CCDC146: variants seen among roughly 807,000 people sequenced by gnomAD.
CCDC146 encodes coiled-coil domain-containing protein 146.
CCDC146 carries 92 observed loss-of-function variants against 119.3 expected under a neutral mutation model. The ratio of observed to expected loss-of-function variants is 0.77; its 90% confidence interval spans 0.65 to 0.92. CCDC146 has a LOEUF of 0.92. CCDC146 is among the 40% of genes least tolerant of loss of function. The pLI is 0.00. For missense variants in CCDC146, 1,000 were observed against 1,103.0 expected, an observed-to-expected ratio of 0.91 and a Z score of 1.32; for synonymous variants, 372 against 371.8, an observed-to-expected ratio of 1.00 and a Z score of -0.01.
intron 17 of CCDC146, among the ~76,000 whole-genome samples, chr7:77,292,667 T>G (rs1216640322): frequency 2.0e-5 from 3 of 151,552 alleles, no homozygotes; most frequent in Non-Finnish European, 4.4e-5. Flanking sequence ...TCTTACCTCT[T>G]AAAAATGGGC....
chr7:77,146,632 T>G (rs1791024077), intron 1 of CCDC146, among the ~76,000 whole-genome samples: 1 of 152,008 alleles, frequency 6.6e-6, no homozygotes, highest in South Asian at 2.1e-4. Context: ...CAGCATTTGC[T>G]TGTCTGTAAA....
chr7:77,268,778 T>C (rs1195677836), intron 9 of CCDC146, among the ~76,000 whole-genome samples: 3 of 152,252 alleles, frequency 2.0e-5, no homozygotes, highest in Non-Finnish European at 2.9e-5. Flanking sequence ...TATGGAATTT[T>C]AGGTTGGAAA....
chr7:77,138,426 A>G (rs1266604359), intron 1 of CCDC146, among the ~76,000 whole-genome samples: 2 of 152,138 alleles, frequency 1.3e-5, no homozygotes, highest in Non-Finnish European at 2.9e-5. Flanking sequence ...CAAAACTATG[A>G]AACTTCTAGA....
intron 1 of CCDC146, among the ~76,000 whole-genome samples, chr7:77,163,333 A>G (rs1791290655): frequency 6.6e-6 from 1 of 152,120 alleles, no homozygotes; most frequent in Non-Finnish European, 1.5e-5. Context: ...TTGTAATCCC[A>G]GCTACTCTGG....
intron 2 of CCDC146, among the ~76,000 whole-genome samples, chr7:77,179,151 C>T (rs1375251855): frequency 6.6e-6 from 1 of 151,914 alleles, no homozygotes; most frequent in East Asian, 1.9e-4. Context: ...ATTAGGTTCT[C>T]AATGGTCAAG....
intron 4 of CCDC146, among the ~76,000 whole-genome samples, chr7:77,252,045 A>C (rs1793085588): frequency 1.3e-5 from 2 of 152,108 alleles, no homozygotes; most frequent in Admixed American, 1.3e-4. Context: ...GCTATCCAGG[A>C]GGCTGAGGCA....
intron 2 of CCDC146, among the ~76,000 whole-genome samples, chr7:77,179,460 TAC>T (rs1211400739): frequency 6.6e-6 from 1 of 151,208 alleles, no homozygotes. Flanking sequence ...TAGTATAATA[TAC>T]ACACTGTTTT....
chr7:77,167,553 A>G (rs572355034), intron 1 of CCDC146, 105 bp from the exon 2 acceptor site: 3 of 875,512 alleles, frequency 3.4e-6, no homozygotes, highest in African/African-American at 3.5e-5. Context: ...TTCATTGAAC[A>G]ATAGCTTATT....
intron 2 of CCDC146, among the ~76,000 whole-genome samples, chr7:77,171,794 G>T (rs1210952220): frequency 6.6e-6 from 1 of 152,190 alleles, no homozygotes; most frequent in African/African-American, 2.4e-5. Flanking sequence ...GAGTTTATTT[G>T]TAGCAAAAGT....
chr7:77,150,912 T>C (rs1459189850), intron 1 of CCDC146, among the ~76,000 whole-genome samples: 1 of 152,202 alleles, frequency 6.6e-6, no homozygotes, highest in Non-Finnish European at 1.5e-5. Flanking sequence ...ACAATGTAGA[T>C]GAATCTCAAA....
chr7:77,187,782 A>G (rs1791694636), intron 2 of CCDC146, among the ~76,000 whole-genome samples: 1 of 152,214 alleles, frequency 6.6e-6, no homozygotes, highest in African/African-American at 2.4e-5. Context: ...CAAGGTCCCC[A>G]TAAACCAAAC....
chr7:77,230,494 A>ATGTGTGTGTGTGTG (rs71524923), intron 2 of CCDC146, among the ~76,000 whole-genome samples: 3 of 149,230 alleles, frequency 2.0e-5, no homozygotes, highest in African/African-American at 7.4e-5. Flanking sequence ...GTTGACAGGT[A>ATGTGTGTGTGTGTG]TGTGTGTGTG....
At chr7:77,266,781 C>T (rs911164032) in intron 9 of CCDC146, among the ~76,000 whole-genome samples, 7 of 152,080 alleles carry the variant, frequency 4.6e-5, no homozygotes, top group Non-Finnish European at 8.8e-5. Context: ...TCCATCTTAG[C>T]CCAAAGCACA....
In CCDC146 at chr7:77,287,526, CT is replaced by C; in HGVS notation, c.2365del (p.Cys789AlafsTer14). 6.2e-7 allele frequency: 1 copy of C among 1,614,036 alleles called. No individual in the cohort carries two copies. The highest frequency in any genetic ancestry group is 1.3e-5 in the African/African-American group (1 of 75,032). On this transcript the variant is annotated frameshift_variant, in exon 17 of 19. Transcript: ENST00000285871. LOFTEE classifies it high-confidence loss of function. ...AGGTCTCCAGGCTCACAGACAGGCT[CT>C]GCAGCAAAACTCAGGGCTGCAAGCA... is the stretch of plus-strand genomic sequence containing the variant. ...EQVSRLTDRL[C>X]SKTQGCKQDT...
chr7:77,148,557 CCT>C (rs1481524139), intron 1 of CCDC146, among the ~76,000 whole-genome samples: 1 of 151,952 alleles, frequency 6.6e-6, no homozygotes, highest in Non-Finnish European at 1.5e-5. Context: ...GGAACCGTCC[CCT>C]GATTGTACAT....
chr7:77,288,273 T>G (rs969065138), intron 17 of CCDC146, among the ~76,000 whole-genome samples: 1 of 152,202 alleles, frequency 6.6e-6, no homozygotes, highest in African/African-American at 2.4e-5. Context: ...AGGCTGTCTA[T>G]TAGTTCGTTT....
At chr7:77,242,379 T>C in intron 4 of CCDC146, 8 of 989,136 alleles carry the variant, frequency 8.1e-6, no homozygotes, top group Non-Finnish European at 9.6e-6. Context: ...GGACCACATA[T>C]GCAAACTTCA....
chr7:77,131,193 A>G (rs1041173745), intron 1 of CCDC146, among the ~76,000 whole-genome samples: 1 of 151,984 alleles, frequency 6.6e-6, no homozygotes, highest in Admixed American at 6.5e-5. Context: ...TGTCCATCTT[A>G]AAATCCCAAA....
intron 1 of CCDC146, among the ~76,000 whole-genome samples, chr7:77,133,347 T>C (rs971582105): frequency 3.2e-4 from 47 of 145,120 alleles, no homozygotes; most frequent in Admixed American, 5.4e-4. Flanking sequence ...GGAACAACTT[T>C]TGTTGTTGTT....
Sources: gnomAD v4.1 joint callset for allele counts (sites outside exome capture counted in the v4.1 genomes callset) on GRCh38, gnomAD v4.1.1 for gene constraint, MANE v1.5 for transcripts, NCBI Gene and HGNC (gene_info 2026-07-23, HGNC 2026-07-21) for gene names.